The following SLC47A1 variants were observed in gnomAD, a reference collection of about 807,000 sequenced individuals.
SLC47A1 encodes the protein multidrug and toxin extrusion protein 1.
Under a neutral mutation model 65.8 loss-of-function variants are expected in SLC47A1, and 58 were observed. That is an observed-to-expected ratio of 0.88 (90% CI 0.71 to 1.10). The LOEUF is 1.10. SLC47A1 is among the 50% of genes least tolerant of loss of function. The probability of loss-of-function intolerance (pLI) is 0.00; values close to 1 mark genes in which losing one functional copy is unlikely to be tolerated. For missense variants in SLC47A1, 706 were observed against 719.2 expected, an observed-to-expected ratio of 0.98 and a Z score of 0.21; for synonymous variants, 285 against 295.0, an observed-to-expected ratio of 0.97 and a Z score of 0.35.
intron 2 of SLC47A1, among the ~76,000 whole-genome samples, chr17:19,543,512 GAAC>G (rs1916207914): frequency 6.6e-6 from 1 of 152,132 alleles, no homozygotes; most frequent in African/African-American, 2.4e-5. Context: ...TTCCTCAGAG[GAAC>G]TGACTCCCCC....
chr17:19,539,413 T>C (rs1175844731), intron 1 of SLC47A1, among the ~76,000 whole-genome samples: 1 of 152,020 alleles, frequency 6.6e-6, no homozygotes, highest in Non-Finnish European at 1.5e-5. Context: ...CTGGACCACA[T>C]GCATCTTGCC....
Position 19,577,402 on chromosome 17 carries a change from T to TG in SLC47A1, c.1563dup (p.Arg522AlafsTer15). ...GGCGAGCCTCAGTCAGATCAGCAGA[T>TG]GCGCCAAGAAGAACCTTTGCCGGAA... On this transcript the variant is annotated frameshift_variant, in exon 17 of 17. Coordinates refer to ENST00000270570, the MANE Select transcript of SLC47A1 (RefSeq NM_018242.3). LOFTEE classifies it low-confidence loss of function (END_TRUNC). The TG allele has an allele frequency of 6.2e-7, 1 of 1,614,200 alleles. No homozygotes were observed. Among genetic ancestry groups the TG allele is most frequent in the African/African-American group, 1.3e-5 (1 of 75,052 alleles).
At chr17:19,537,372 T>C (rs1190952974) in intron 1 of SLC47A1, among the ~76,000 whole-genome samples, 2 of 152,076 alleles carry the variant, frequency 1.3e-5, no homozygotes. Flanking sequence ...CTGAAGGCAA[T>C]GGGGAAGATA....
At position 19,547,991 on chromosome 17, in the gene SLC47A1, G is replaced by C. The variant is rs533497823; in HGVS notation, c.313G>C (p.Gly105Arg). 5 of 1,612,118 alleles carry C rather than the reference G, an allele frequency of 3.1e-6. No individual in the cohort carries two copies. The South Asian group carries it at 4.4e-5, about 14-fold the overall frequency. ...TTGGCTGTGTGCACCCCAGACGTAC[G>C]GGAGCCAGAACCTGAAGCACGTGGG... ...ACDTLISQTY[G>R]SQNLKHVGVI... Residue 105 changes from glycine to arginine, a missense_variant, in exon 4 of 17, where the codon GGG becomes CGG. Gly to Arg is a moderately radical substitution (Grantham distance 125). Transcript: ENST00000270570.
In SLC47A1 at chr17:19,555,870, A is replaced by G; in HGVS notation, c.814A>G (p.Met272Val). The G allele has an allele frequency of 1.2e-6, 2 of 1,613,842 alleles. No individual in the cohort carries two copies. The highest frequency in any genetic ancestry group is 1.7e-6 in the Non-Finnish European group (2 of 1,179,996). ...CATCCCCAGCATGCTCATGCTGTGC[A>G]TGGAGTGGTGGGCCTATGAGGTCGG... ...LAIPSMLMLC[M>V]EWWAYEVGSF... Residue 272 changes from methionine (M) to valine (V), a missense_variant, in exon 9 of 17, where the codon ATG becomes GTG. Physicochemically the swap from Met to Val is conservative, Grantham distance 21. Transcript: ENST00000270570.
rs759972157 is a variant in SLC47A1, at chr17:19,555,878, G to C, written c.822G>C (p.Trp274Cys). 6.2e-7 allele frequency: 1 copy of C among 1,613,872 alleles called. No individual in the cohort carries two copies. The highest frequency in any genetic ancestry group is 1.3e-5 in the African/African-American group (1 of 74,928). ...IPSMLMLCME[W>C]WAYEVGSFLS... ...GCATGCTCATGCTGTGCATGGAGTG[G>C]TGGGCCTATGAGGTCGGGAGCTTCC... is the stretch of plus-strand genomic sequence containing the variant. The change falls in exon 9 of 17, where the codon TGG (tryptophan) becomes TGC (cysteine). Residue 274 changes from tryptophan (W) to cysteine (C), a missense_variant. Physicochemically the swap from Trp to Cys is radical, Grantham distance 215. Coordinates refer to ENST00000270570, the MANE Select transcript of SLC47A1 (RefSeq NM_018242.3).
At chr17:19,573,920 CTTT>C (rs397856610) in intron 16 of SLC47A1, among the ~76,000 whole-genome samples, 12 of 122,406 alleles carry the variant, frequency 9.8e-5, no homozygotes, top group Non-Finnish European at 8.5e-5. Flanking sequence ...CTGGTTCATG[CTTT>C]TTTTTTTTTT....
intron 4 of SLC47A1, 43 bp downstream of exon 4, chr17:19,548,176 C>A: frequency 6.3e-7 from 1 of 1,588,360 alleles, no homozygotes. Flanking sequence ...GTCCATCCCA[C>A]GGAAAGATTA....
chr17:19,545,598 G>A (rs770475143), intron 2 of SLC47A1, among the ~76,000 whole-genome samples: 4 of 152,020 alleles, frequency 2.6e-5, no homozygotes, highest in East Asian at 3.9e-4. Flanking sequence ...TCAAGTGATC[G>A]TCCCACCTCA....
chr17:19,560,502 T>G lies in SLC47A1; in HGVS notation c.1106+9T>G. 6.2e-7 allele frequency: 1 copy of G among 1,613,826 alleles called. No individual in the cohort carries two copies. The highest frequency in any genetic ancestry group is 8.5e-7 in the Non-Finnish European group (1 of 1,179,678). On this transcript the variant is annotated intron_variant, in intron 12 of 16. Coordinates refer to ENST00000270570, the MANE Select transcript of SLC47A1 (RefSeq NM_018242.3). ...ATTTTTACTACCGACCGGTGAGTGCTAGGATTTTCTTGAAATGTGAAATCT... is the reference window on the plus strand; with the variant it reads ...ATTTTTACTACCGACCGGTGAGTGCGAGGATTTTCTTGAAATGTGAAATCT...
chr17:19,537,271 G>A (rs574236400), intron 1 of SLC47A1, among the ~76,000 whole-genome samples: 1 of 152,318 alleles, frequency 6.6e-6, no homozygotes, highest in African/African-American at 2.4e-5. Flanking sequence ...AGGCAGGCAG[G>A]TTGAGGGGGG....
chr17:19,534,144 G>T, intron 1 of SLC47A1, 70 bp downstream of exon 1: 1 of 1,427,372 alleles, frequency 7.0e-7, no homozygotes, highest in South Asian at 1.4e-5. Flanking sequence ...TGCCTCCGCG[G>T]GTGACTTTGG....
intron 1 of SLC47A1, among the ~76,000 whole-genome samples, chr17:19,537,963 C>G (rs1376153461): frequency 6.6e-6 from 1 of 152,234 alleles, no homozygotes; most frequent in Non-Finnish European, 1.5e-5. Context: ...GAAACCTTCT[C>G]TGAATTCTCT....
intron 1 of SLC47A1, chr17:19,535,511 G>A (rs951400127): frequency 6.6e-6 from 1 of 152,180 alleles, no homozygotes; most frequent in African/African-American, 2.4e-5. Flanking sequence ...CAGCACTTTG[G>A]GAGGCCAAGG....
chr17:19,533,954 G>A lies in SLC47A1; in HGVS notation c.15G>A (p.Glu5=), dbSNP rs944316615. The A allele has an allele frequency of 8.5e-6, 13 of 1,530,068 alleles. No homozygotes were observed. The highest frequency in any genetic ancestry group is 2.2e-4 in the Middle Eastern group (1 of 4,508). The allele number at this position is 1,530,068 out of a possible 1,614,324, so 94.8% of individuals were successfully genotyped here. The change falls in exon 1 of 17, where the codon GAG becomes GAA. Residue 5 remains glutamate, a synonymous_variant. Transcript: ENST00000270570. ...GCGCGAGTCACATGGAAGCTCCTGA[G>A]GAGCCCGCGCCAGTGCGCGGAGGCC... MEAP[E]EPAPVRGGPE...
At chr17:19,545,666 C>T (rs1384736796) in intron 2 of SLC47A1, among the ~76,000 whole-genome samples, 2 of 151,904 alleles carry the variant, frequency 1.3e-5, no homozygotes, top group African/African-American at 2.4e-5. Context: ...AGTTTTTGTA[C>T]TTTTGTAGGG....
chr17:19,543,999 G>A (rs147938661), intron 2 of SLC47A1, among the ~76,000 whole-genome samples: 27 of 152,162 alleles, frequency 1.8e-4, no homozygotes, highest in African/African-American at 5.3e-4. Context: ...TCTGTCGCCC[G>A]GTCTGGAGTG....
chr17:19,570,561 CAGTTGCTAATCA>C (rs1350437907), intron 14 of SLC47A1, among the ~76,000 whole-genome samples: 1 of 152,182 alleles, frequency 6.6e-6, no homozygotes. Context: ...GGCAAGCTGT[CAGTTGCTAATCA>C]AGTCCTGGCC....
intron 1 of SLC47A1, among the ~76,000 whole-genome samples, chr17:19,537,140 G>A (rs1306631220): frequency 1.3e-5 from 2 of 152,200 alleles, no homozygotes; most frequent in Non-Finnish European, 2.9e-5. Flanking sequence ...GATGGACCCC[G>A]GGCATTGCCC....
Sources: gnomAD v4.1 joint callset for allele counts (sites outside exome capture counted in the v4.1 genomes callset) on GRCh38, gnomAD v4.1.1 for gene constraint, MANE v1.5 for transcripts, NCBI Gene and HGNC (gene_info 2026-07-23, HGNC 2026-07-21) for gene names.